Variants in FRMD3 observed in about 807,000 individuals in gnomAD.
FRMD3 encodes FERM domain-containing protein 3.
A neutral mutation model predicts 70.2 loss-of-function variants in FRMD3; 33 were observed. The observed-to-expected ratio is 0.47, with a 90% CI of 0.36 to 0.63. The LOEUF (loss-of-function observed/expected upper bound fraction) is 0.63. FRMD3 is among the 20% of genes least tolerant of loss of function. FRMD3 has a pLI of 0.00. For missense variants in FRMD3, 632 were observed against 711.4 expected (o/e 0.89, Z 1.27); for synonymous variants, 279 against 255.9 (o/e 1.09, Z -0.86).
At chr9:83,311,858 G>A in intron 8 of FRMD3, 29 bp downstream of exon 8, 1 of 1,495,378 alleles carries the variant, frequency 6.7e-7, no homozygotes, top group Non-Finnish European at 9.3e-7. Context: ...AAGAAAAATG[G>A]AAAGCCAGTT....
chr9:83,372,364 A>C (rs1825000853), intron 3 of FRMD3, among the ~76,000 whole-genome samples: 1 of 81,512 alleles, frequency 1.2e-5, no homozygotes, highest in African/African-American at 6.1e-5. Context: ...AAAAAGAGAG[A>C]GAGACGAAAA....
chr9:83,304,207 A>C (rs1451578070), intron 10 of FRMD3, among the ~76,000 whole-genome samples: 1 of 152,202 alleles, frequency 6.6e-6, no homozygotes, highest in East Asian at 1.9e-4. Flanking sequence ...GCTTGTGCAC[A>C]AGTTTTAATG....
upstream of FRMD3, among the ~76,000 whole-genome samples, chr9:83,543,349 C>T (rs1010270110): frequency 2.0e-5 from 3 of 152,080 alleles, no homozygotes; most frequent in Non-Finnish European, 4.4e-5. Flanking sequence ...GGGTTGCCCT[C>T]ACCCCTGTGA....
At chr9:83,465,153 G>A (rs1828091616) in intron 1 of FRMD3, among the ~76,000 whole-genome samples, 3 of 152,020 alleles carry the variant, frequency 2.0e-5, no homozygotes, top group Middle Eastern at 3.2e-3. Flanking sequence ...TCATCCATTC[G>A]ATCTCACCAA....
At chr9:83,441,603 C>T (rs2131395130) in intron 1 of FRMD3, among the ~76,000 whole-genome samples, 1 of 152,206 alleles carries the variant, frequency 6.6e-6, no homozygotes, top group East Asian at 1.9e-4. Context: ...TTAAGTATTT[C>T]CAGCATTTAA....
intron 5 of FRMD3, among the ~76,000 whole-genome samples, chr9:83,338,568 C>T (rs952468699): frequency 1.3e-5 from 2 of 151,974 alleles, no homozygotes; most frequent in Admixed American, 6.5e-5. Flanking sequence ...ATAAGATGTA[C>T]GTATGCAATA....
At chr9:83,315,174 T>C (rs560706155) in intron 6 of FRMD3, among the ~76,000 whole-genome samples, 32 of 152,240 alleles carry the variant, frequency 2.1e-4, no homozygotes, top group African/African-American at 7.7e-4. Context: ...AGGGTACCAC[T>C]TCATTTCTAT....
intron 1 of FRMD3, among the ~76,000 whole-genome samples, chr9:83,453,217 A>T (rs1827718908): frequency 1.3e-5 from 2 of 152,130 alleles, no homozygotes; most frequent in South Asian, 4.1e-4. Flanking sequence ...AGTCCATCAA[A>T]AGGGCTGAAA....
chr9:83,525,549 T>C (rs556658501), intron 1 of FRMD3, among the ~76,000 whole-genome samples: 1 of 152,354 alleles, frequency 6.6e-6, no homozygotes, highest in South Asian at 2.1e-4. Flanking sequence ...ATGTTTAATT[T>C]TGTAGCATGT....
At chr9:83,574,992 C>T in the FRMD3 span, among the ~76,000 whole-genome samples, 3 of 152,156 alleles carry the variant, frequency 2.0e-5, no homozygotes, top group Non-Finnish European at 4.4e-5. Context: ...CTTGATCTCT[C>T]GTTCTGTGTC....
chr9:83,278,138 C>T (rs13288171), intron 13 of FRMD3, among the ~76,000 whole-genome samples: 8,615 of 152,234 alleles, frequency 0.057, 296 homozygotes, highest in African/African-American at 0.089. Context: ...AGAAAAGAAA[C>T]AGCCATACAA....
chr9:83,431,440 T>A (rs922954176), intron 1 of FRMD3, among the ~76,000 whole-genome samples: 2 of 152,238 alleles, frequency 1.3e-5, no homozygotes, highest in African/African-American at 4.8e-5. Flanking sequence ...AATTAAAATC[T>A]AAAATTTTTA....
intron 4 of FRMD3, among the ~76,000 whole-genome samples, chr9:83,346,117 G>A (rs189282006): frequency 1.3e-5 from 2 of 152,012 alleles, no homozygotes; most frequent in South Asian, 2.1e-4. Flanking sequence ...TTAGCTAGGC[G>A]TGCTGGCTTG....
At chr9:83,367,991 T>C (rs543884798) in intron 3 of FRMD3, among the ~76,000 whole-genome samples, 3 of 152,344 alleles carry the variant, frequency 2.0e-5, no homozygotes, top group Non-Finnish European at 2.9e-5. Flanking sequence ...TCTACTTCCA[T>C]TGTGTTCTTC....
chr9:83,434,372 G>A (rs540489277), intron 1 of FRMD3, among the ~76,000 whole-genome samples: 11 of 152,330 alleles, frequency 7.2e-5, no homozygotes, highest in African/African-American at 2.6e-4. Flanking sequence ...CTTCCTGGTT[G>A]TGTCACCTGG....
intron 1 of FRMD3, among the ~76,000 whole-genome samples, chr9:83,534,492 G>A (rs947045996): frequency 6.6e-6 from 1 of 152,198 alleles, no homozygotes; most frequent in Non-Finnish European, 1.5e-5. Context: ...AGATCCTAGG[G>A]GGTGGGGAGG....
At chr9:83,325,558 C>T (rs183415233) in intron 6 of FRMD3, among the ~76,000 whole-genome samples, 214 of 152,228 alleles carry the variant, frequency 1.4e-3, no homozygotes, top group Middle Eastern at 6.8e-3. Flanking sequence ...CTCCTGGGCT[C>T]AAGTGATCCT....
chr9:83,540,001 C>A (rs1829980267), upstream of FRMD3, among the ~76,000 whole-genome samples: 1 of 152,200 alleles, frequency 6.6e-6, no homozygotes, highest in African/African-American at 2.4e-5. Flanking sequence ...GGCCCAGCTA[C>A]TGGCTAATCC....
chr9:83,282,273 G>A (rs1834003058), intron 13 of FRMD3, among the ~76,000 whole-genome samples: 2 of 152,196 alleles, frequency 1.3e-5, no homozygotes. Context: ...AGCTTTGCTG[G>A]CAAAATTTTA....
Sources: gnomAD v4.1 joint callset for allele counts (sites outside exome capture counted in the v4.1 genomes callset) on GRCh38, gnomAD v4.1.1 for gene constraint, MANE v1.5 for transcripts, NCBI Gene and HGNC (gene_info 2026-07-23, HGNC 2026-07-21) for gene names.